UNC5D: variants seen among roughly 807,000 people sequenced by gnomAD.
UNC5D encodes the protein unc-5 netrin receptor D.
A neutral mutation model predicts 105.4 loss-of-function variants in UNC5D; 39 were observed. The ratio of observed to expected loss-of-function variants is 0.37; its 90% CI spans 0.29 to 0.48. UNC5D has a LOEUF of 0.48. UNC5D is among the 20% of genes least tolerant of loss of function. The pLI is 0.98. For synonymous variants in UNC5D, 452 were observed against 450.4 expected (o/e 1.00, Z -0.04); for missense variants, 991 against 1,202.4 (o/e 0.82, Z 2.60).
chr8:35,367,130 A>T lies in UNC5D; in HGVS notation c.103+131243A>T, dbSNP rs1010505171. 3.9e-5 allele frequency among the ~76,000 whole-genome samples: 6 copies of T among 152,260 alleles called. No individual in the cohort carries two copies. The South Asian group carries it at 1.2e-3, about 32-fold the overall frequency. On this transcript the variant is annotated intron_variant, in intron 1 of 16. Coordinates refer to ENST00000404895, the MANE Select transcript of UNC5D (RefSeq NM_080872.4). ...CTGTTCATTGTGAATCTCTCAGGGG[A>T]TATAGTAAAGAGCATTTCCAACTTG...
At chr8:35,747,769 TTAGTTAA>T (rs779556418) in intron 11 of UNC5D, among the ~76,000 whole-genome samples, 1 of 152,232 alleles carries the variant, frequency 6.6e-6, no homozygotes, top group Non-Finnish European at 1.5e-5. Context: ...TTATTCCATT[TTAGTTAA>T]CTTTCACTTT....
At chr8:35,610,122 TG>T (rs1333688043) in intron 4 of UNC5D, among the ~76,000 whole-genome samples, 6 of 150,774 alleles carry the variant, frequency 4.0e-5, no homozygotes, top group African/African-American at 1.5e-4. Flanking sequence ...TCAATTAATT[TG>T]AAAAAAAAAA....
At chr8:35,238,241 T>A (rs769377957) in intron 1 of UNC5D, among the ~76,000 whole-genome samples, 1 of 152,182 alleles carries the variant, frequency 6.6e-6, no homozygotes, top group Non-Finnish European at 1.5e-5. Context: ...CACCAACTTT[T>A]TTTTTTCTTT....
intron 1 of UNC5D, among the ~76,000 whole-genome samples, chr8:35,535,479 G>T: frequency 6.6e-6 from 1 of 150,498 alleles, no homozygotes; most frequent in African/African-American, 2.4e-5. Flanking sequence ...TAAGTCAAAT[G>T]CCAAAATCTT....
intron 7 of UNC5D, among the ~76,000 whole-genome samples, chr8:35,705,561 G>T (rs1349117420): frequency 6.6e-6 from 1 of 152,150 alleles, no homozygotes; most frequent in African/African-American, 2.4e-5. Context: ...CTATCATCTA[G>T]AGTGAAACAG....
intron 16 of UNC5D, among the ~76,000 whole-genome samples, chr8:35,786,300 AT>A (rs1802739178): frequency 6.6e-6 from 1 of 152,178 alleles, no homozygotes; most frequent in South Asian, 2.1e-4. Flanking sequence ...TAAATTTAAA[AT>A]TTGCTTTGGG....
intron 3 of UNC5D, among the ~76,000 whole-genome samples, chr8:35,593,014 C>T (rs939040216): frequency 6.8e-6 from 1 of 147,992 alleles, no homozygotes; most frequent in African/African-American, 2.5e-5. Context: ...TGAGTAATAC[C>T]GTTTCCTAGG....
intron 4 of UNC5D, among the ~76,000 whole-genome samples, chr8:35,664,354 T>A (rs1824298268): frequency 6.6e-6 from 1 of 152,142 alleles, no homozygotes; most frequent in Non-Finnish European, 1.5e-5. Context: ...ATTGCCTAAG[T>A]CAATAATTGA....
At chr8:35,728,201 G>C (rs10954990) in intron 10 of UNC5D, among the ~76,000 whole-genome samples, 1 of 150,484 alleles carries the variant, frequency 6.6e-6, no homozygotes, top group Non-Finnish European at 1.5e-5. Context: ...TTGGCACTTA[G>C]AAGGCTCTCA....
rs553163403 is a variant in UNC5D at position 35,425,431 on chromosome 8, G to A, written c.104-123861G>A. Among the ~76,000 whole-genome samples, 11 of 152,268 alleles carry A rather than the reference G, an allele frequency of 7.2e-5. 1 individual carries two copies. The highest frequency in any genetic ancestry group is 2.2e-4 in the African/African-American group (9 of 41,556). ...GCTTCTGTTTATCCAGGCACAAAAT[G>A]TGGTAAATGCTGATGTGTAAACTCT... On this transcript the variant is annotated intron_variant, in intron 1 of 16. Coordinates refer to ENST00000404895, the MANE Select transcript of UNC5D (RefSeq NM_080872.4).
At chr8:35,586,377 A>C (rs1310240013) in intron 3 of UNC5D, among the ~76,000 whole-genome samples, 1 of 152,172 alleles carries the variant, frequency 6.6e-6, no homozygotes, top group Middle Eastern at 3.2e-3. Flanking sequence ...AGACTATCAC[A>C]ATGAGGAAAA....
intron 16 of UNC5D, among the ~76,000 whole-genome samples, chr8:35,779,944 T>C (rs942763182): frequency 6.6e-6 from 1 of 152,202 alleles, no homozygotes; most frequent in African/African-American, 2.4e-5. Context: ...TGATGCCTCC[T>C]AATTTTCATA....
chr8:35,308,715 TG>T (rs1293921940), intron 1 of UNC5D, among the ~76,000 whole-genome samples: 1 of 152,166 alleles, frequency 6.6e-6, no homozygotes. Context: ...AGCCATGACT[TG>T]TGAATCAATA....
chr8:35,735,714 T>C (rs1829432281), intron 11 of UNC5D, among the ~76,000 whole-genome samples: 1 of 152,220 alleles, frequency 6.6e-6, no homozygotes, highest in African/African-American at 2.4e-5. Context: ...TTCCCAGTAA[T>C]GGGGCTCACA....
At chr8:35,728,202 A>G (rs1406399823) in intron 10 of UNC5D, among the ~76,000 whole-genome samples, 1 of 151,748 alleles carries the variant, frequency 6.6e-6, no homozygotes, top group Non-Finnish European at 1.5e-5. Context: ...TGGCACTTAG[A>G]AGGCTCTCAG....
At chr8:35,650,663 G>T (rs1421669265) in intron 4 of UNC5D, among the ~76,000 whole-genome samples, 1 of 151,918 alleles carries the variant, frequency 6.6e-6, no homozygotes, top group African/African-American at 2.4e-5. Context: ...ATAGAGATGG[G>T]GTTTTGCTAT....
At chr8:35,533,968 C>A (rs1420375837) in intron 1 of UNC5D, among the ~76,000 whole-genome samples, 1 of 152,156 alleles carries the variant, frequency 6.6e-6, no homozygotes, top group South Asian at 2.1e-4. Flanking sequence ...GTGAGATAAA[C>A]CCGGTACCTC....
At chr8:35,239,810 C>A (rs1277052243) in intron 1 of UNC5D, among the ~76,000 whole-genome samples, 2 of 152,116 alleles carry the variant, frequency 1.3e-5, no homozygotes, top group Non-Finnish European at 2.9e-5. Context: ...TCAATGGAAA[C>A]GTTCCCTATT....
intron 1 of UNC5D, among the ~76,000 whole-genome samples, chr8:35,312,837 G>A (rs1231879730): frequency 1.3e-5 from 2 of 152,260 alleles, no homozygotes; most frequent in East Asian, 3.9e-4. Flanking sequence ...TCACTAAATA[G>A]TCACTGTTGT....
Sources: gnomAD v4.1 joint callset for allele counts (sites outside exome capture counted in the v4.1 genomes callset) on GRCh38, gnomAD v4.1.1 for gene constraint, MANE v1.5 for transcripts, NCBI Gene and HGNC (gene_info 2026-07-23, HGNC 2026-07-21) for gene names.